Variants in PTPN13 observed in about 807,000 individuals in gnomAD.
PTPN13 encodes tyrosine-protein phosphatase non-receptor type 13.
PTPN13 carries 191 observed loss-of-function variants against 284.0 expected under a neutral mutation model. The ratio of observed to expected loss-of-function variants is 0.67; its 90% CI spans 0.60 to 0.76. The LOEUF (loss-of-function observed/expected upper bound fraction) is 0.76. Ranked by LOEUF, PTPN13 falls within the 30% of genes least tolerant of loss-of-function variation. The pLI is 0.00. For synonymous variants in PTPN13, 986 were observed against 1,022.3 expected, an observed-to-expected ratio of 0.96 and a Z score of 0.68; for missense variants, 2,797 against 2,939.9, an observed-to-expected ratio of 0.95 and a Z score of 1.12.
intron 2 of PTPN13, among the ~76,000 whole-genome samples, chr4:86,644,455 A>G (rs1476555262): frequency 6.6e-6 from 1 of 152,136 alleles, no homozygotes; most frequent in Admixed American, 6.6e-5. Flanking sequence ...GATTTAATTT[A>G]TAGTTTAAAA....
chr4:86,791,308 T>G (rs543126665), intron 40 of PTPN13, among the ~76,000 whole-genome samples: 1 of 152,292 alleles, frequency 6.6e-6, no homozygotes, highest in Admixed American at 6.5e-5. Context: ...CCACCATTGC[T>G]GAGGCTTGAG....
At chr4:86,670,886 G>C (rs1310025742) in intron 2 of PTPN13, among the ~76,000 whole-genome samples, 3 of 152,178 alleles carry the variant, frequency 2.0e-5, no homozygotes, top group Non-Finnish European at 4.4e-5. Context: ...ATATACCTAA[G>C]ATTATGAGCT....
chr4:86,644,929 C>T (rs946042165), intron 2 of PTPN13, among the ~76,000 whole-genome samples: 3 of 152,208 alleles, frequency 2.0e-5, no homozygotes, highest in South Asian at 2.1e-4. Context: ...AACTCAACGC[C>T]GGGCTTGGCA....
Position 86,744,994 on chromosome 4 carries a change from C to T in PTPN13, c.2516C>T (p.Ser839Leu). 6.3e-7 allele frequency: 1 copy of T among 1,587,992 alleles called. No homozygotes were observed. Among genetic ancestry groups the T allele is most frequent in the South Asian group, 1.1e-5 (1 of 87,170 alleles). ...AAGAAAATCACATTGCAAAATACAT[C>T]AGATGGAATAAAACATGGCTTCCAG... ...SKKKITLQNTSDGIKHGFQTD... is the reference protein window; with the variant it reads ...SKKKITLQNTLDGIKHGFQTD... Residue 839 changes from serine to leucine, a missense_variant, in exon 17 of 48, where the codon TCA (serine) becomes TTA (leucine). Coordinates refer to ENST00000411767, the MANE Select transcript of PTPN13 (RefSeq NM_080683.3).
At chr4:86,600,379 C>A (rs986248312) in intron 1 of PTPN13, among the ~76,000 whole-genome samples, 7 of 137,696 alleles carry the variant, frequency 5.1e-5, no homozygotes, top group Non-Finnish European at 9.3e-5. Flanking sequence ...TAATTAATTT[C>A]AATTAAAAAT....
chr4:86,688,676 T>C (rs1277966035), intron 4 of PTPN13, among the ~76,000 whole-genome samples: 1 of 152,186 alleles, frequency 6.6e-6, no homozygotes. Flanking sequence ...ATGGTGTGTA[T>C]GTTTGTGTGT....
At chr4:86,782,011 A>C (rs886685713) in intron 36 of PTPN13, among the ~76,000 whole-genome samples, 190 bp from the exon 37 acceptor site, 1 of 152,174 alleles carries the variant, frequency 6.6e-6, no homozygotes, top group African/African-American at 2.4e-5. Flanking sequence ...GATAAACCCA[A>C]AAATATTAGA....
At chr4:86,617,510 G>C (rs1565154295) in intron 1 of PTPN13, among the ~76,000 whole-genome samples, 1 of 152,004 alleles carries the variant, frequency 6.6e-6, no homozygotes. Context: ...GTACCATGTT[G>C]GTATGCTGCA....
chr4:86,775,137 G>C, intron 33 of PTPN13, 34 bp from the exon 34 acceptor site: 1 of 1,487,638 alleles, frequency 6.7e-7, no homozygotes, highest in South Asian at 1.3e-5. Flanking sequence ...TCTAAAAATT[G>C]TGATCTTCAC....
Position 86,604,613 on chromosome 4 carries a change from C to A in PTPN13, c.-6+9824C>A, listed in dbSNP as rs564851053. ...TTAAAGGAAACAAAATAGGTAAATC[C>A]GCCATGTCCCCTTGAATATGTGAAA... On this transcript the variant is annotated intron_variant, in intron 1 of 47. Coordinates refer to ENST00000411767, the MANE Select transcript of PTPN13 (RefSeq NM_080683.3). Among the ~76,000 whole-genome samples, 10 of 151,790 alleles carry A rather than the reference C, an allele frequency of 6.6e-5. No homozygotes were observed. In the East Asian group the frequency reaches 1.9e-3, roughly 29 times the overall value.
chr4:86,693,465 T>C, intron 5 of PTPN13, 122 bp from the exon 6 acceptor site: 1 of 529,830 alleles, frequency 1.9e-6, no homozygotes, highest in South Asian at 3.7e-5. Flanking sequence ...GGACATAGAG[T>C]CTCATTATTT....
chr4:86,655,741 A>T (rs949806033), intron 2 of PTPN13, among the ~76,000 whole-genome samples: 4 of 151,866 alleles, frequency 2.6e-5, no homozygotes, highest in African/African-American at 9.7e-5. Context: ...CTTCTCGAGG[A>T]GTATCTTTGT....
At chr4:86,689,242 T>C in intron 5 of PTPN13, 52 bp downstream of exon 5, 1 of 1,492,826 alleles carries the variant, frequency 6.7e-7, no homozygotes, top group Admixed American at 1.8e-5. Flanking sequence ...ATTTAGTAGA[T>C]ATCACAAAAT....
chr4:86,717,984 GT>G (rs1476063005), intron 9 of PTPN13, among the ~76,000 whole-genome samples: 1 of 152,042 alleles, frequency 6.6e-6, no homozygotes, highest in African/African-American at 2.4e-5. Context: ...TTCTTATAAG[GT>G]GTTAGTATTA....
intron 2 of PTPN13, among the ~76,000 whole-genome samples, chr4:86,641,009 A>G (rs940112072): frequency 7.9e-5 from 12 of 152,132 alleles, no homozygotes; most frequent in Non-Finnish European, 4.4e-5. Context: ...GGAAATTTCT[A>G]TTTATTTGGA....
rs1738362500 is a variant in PTPN13, at chr4:86,759,087, C to G, written c.3553+14C>G. ...AGATATCCAAAGGTAATGTGAATGT[C>G]TCTTACTTATGTATTCTGTTTCACT... On this transcript the variant is annotated intron_variant, in intron 23 of 47. Transcript: ENST00000411767. The G allele has an allele frequency of 5.0e-6, 8 of 1,609,354 alleles. No individual in the cohort carries two copies. In the South Asian group the frequency reaches 8.9e-5, roughly 18 times the overall value.
Position 86,701,789 on chromosome 4 carries a change from A to G in PTPN13, c.1183A>G (p.Met395Val), listed in dbSNP as rs764238501. 3 of 1,609,722 alleles carry G rather than the reference A, an allele frequency of 1.9e-6. No individual in the cohort carries two copies. The highest frequency in any genetic ancestry group is 2.5e-6 in the Non-Finnish European group (3 of 1,178,280). ...GAAACTTCAGGTTCTGAGGGAAGCC[A>G]TGAATGTAGAAGGTTAGTAATTCTG... ...QKKLQVLREA[M>V]NVEEPVRRYK... Residue 395 changes from methionine to valine, a missense_variant, in exon 7 of 48, where the codon ATG (methionine) becomes GTG (valine). Met to Val is a conservative substitution (Grantham distance 21). Transcript: ENST00000411767.
intron 10 of PTPN13, among the ~76,000 whole-genome samples, chr4:86,723,949 G>A (rs1162271517): frequency 1.3e-5 from 2 of 152,074 alleles, no homozygotes; most frequent in African/African-American, 4.8e-5. Flanking sequence ...ACATTTGTAT[G>A]CTCTGAAGAT....
Position 86,678,733 on chromosome 4 carries a change from C to T in PTPN13, c.294+6190C>T, listed in dbSNP as rs554691419. Reference sequence around the variant, plus strand: ...ATCTAAGGTGTCATTCTTAATTTTTCATTCACCTCTGGCCCCATTTCCTAA... The same window carrying T: ...ATCTAAGGTGTCATTCTTAATTTTTTATTCACCTCTGGCCCCATTTCCTAA... On this transcript the variant is annotated intron_variant, in intron 3 of 47. Transcript: ENST00000411767. Among the ~76,000 whole-genome samples the T allele has an allele frequency of 9.9e-5, 15 of 152,244 alleles. No individual in the cohort carries two copies. The South Asian group carries it at 3.1e-3, about 32-fold the overall frequency.
Sources: gnomAD v4.1 joint callset for allele counts (sites outside exome capture counted in the v4.1 genomes callset) on GRCh38, gnomAD v4.1.1 for gene constraint, MANE v1.5 for transcripts, NCBI Gene and HGNC (gene_info 2026-07-23, HGNC 2026-07-21) for gene names.